The following DTNB variants were observed in gnomAD, a reference collection of about 807,000 sequenced individuals.
The protein encoded by DTNB is DTN-B.
A neutral mutation model predicts 90.7 loss-of-function variants in DTNB; 63 were observed. That is an observed-to-expected ratio of 0.69 (90% CI 0.57 to 0.86). The LOEUF is 0.86. DTNB is among the 40% of genes least tolerant of loss of function. DTNB has a pLI of 0.00. For synonymous variants in DTNB, 277 were observed against 286.7 expected, an observed-to-expected ratio of 0.97 and a Z score of 0.34; for missense variants, 744 against 807.1, an observed-to-expected ratio of 0.92 and a Z score of 0.95.
At chr2:25,610,570 C>T (rs2068340857) in intron 4 of DTNB, among the ~76,000 whole-genome samples, 1 of 152,158 alleles carries the variant, frequency 6.6e-6, no homozygotes, top group African/African-American at 2.4e-5. Flanking sequence ...AATGTTCCCT[C>T]ATGAACATTT....
chr2:25,379,687 C>T (rs1459184323), intron 19 of DTNB: 1 of 243,536 alleles, frequency 4.1e-6, no homozygotes, highest in African/African-American at 2.2e-5. Context: ...GGTCCCCCTC[C>T]TGCAGATGGT....
At chr2:25,643,404 C>A (rs550836260) in intron 2 of DTNB, among the ~76,000 whole-genome samples, 13 of 152,306 alleles carry the variant, frequency 8.5e-5, no homozygotes, top group Admixed American at 5.2e-4. Context: ...TGTTTCTGTT[C>A]ACTGTTCAAT....
At chr2:25,433,367 C>G (rs1200090088) in intron 13 of DTNB, among the ~76,000 whole-genome samples, 1 of 152,174 alleles carries the variant, frequency 6.6e-6, no homozygotes, top group Non-Finnish European at 1.5e-5. Flanking sequence ...TAATCCTTCC[C>G]TGCCCCTTCC....
chr2:25,442,187 T>C (rs2057562341), intron 12 of DTNB, among the ~76,000 whole-genome samples: 1 of 152,236 alleles, frequency 6.6e-6, no homozygotes, highest in Non-Finnish European at 1.5e-5. Context: ...GTACTGGTCC[T>C]TTGCCAAGAG....
At chr2:25,667,579 C>T (rs1284315066) in intron 1 of DTNB, among the ~76,000 whole-genome samples, 1 of 152,074 alleles carries the variant, frequency 6.6e-6, no homozygotes, top group Non-Finnish European at 1.5e-5. Flanking sequence ...AAATATTATT[C>T]CAGGTGAAGT....
intron 4 of DTNB, among the ~76,000 whole-genome samples, chr2:25,618,504 T>C (rs2071459973): frequency 6.6e-6 from 1 of 152,238 alleles, no homozygotes; most frequent in Non-Finnish European, 1.5e-5. Flanking sequence ...GAATCAATTC[T>C]CTTCAAACAA....
chr2:25,433,507 C>T (rs944246503), intron 13 of DTNB, among the ~76,000 whole-genome samples: 3 of 151,866 alleles, frequency 2.0e-5, no homozygotes, highest in African/African-American at 7.3e-5. Context: ...CTCTCTGTGC[C>T]GTTAAATGGC....
chr2:25,434,019 A>AG (rs761212724), intron 12 of DTNB, 24 bp from the exon 13 acceptor site: 2 of 1,578,700 alleles, frequency 1.3e-6, no homozygotes, highest in African/African-American at 3.2e-5. Flanking sequence ...GTCGGGAGAA[A>AG]GTTTTTTTTT....
rs1432980888 is a variant in DTNB, at chr2:25,384,974, G to A, written c.1826-1085C>T. Among the ~76,000 whole-genome samples, 8 of 152,078 alleles carry A rather than the reference G, an allele frequency of 5.3e-5. No individual in the cohort carries two copies. In the South Asian group the frequency reaches 1.7e-3, roughly 32 times the overall value. ...GCTCACTGCAATCTCTGCATCCCAG[G>A]TTCAAGCGATTCTCCTGCCTCAGCC... is the stretch of plus-strand genomic sequence containing the variant. On this transcript the variant is annotated intron_variant, in intron 18 of 20. Transcript: ENST00000406818.
chr2:25,486,418 A>G (rs1040937442), intron 9 of DTNB, among the ~76,000 whole-genome samples: 14 of 152,300 alleles, frequency 9.2e-5, no homozygotes, highest in South Asian at 2.1e-4. Flanking sequence ...TGAAACTGAC[A>G]TTGTGCCACT....
At chr2:25,442,590 C>A (rs1270173330) in intron 12 of DTNB, among the ~76,000 whole-genome samples, 1 of 152,186 alleles carries the variant, frequency 6.6e-6, no homozygotes, top group African/African-American at 2.4e-5. Flanking sequence ...AACTCCTGCA[C>A]ATTTTTGTTG....
intron 1 of DTNB, among the ~76,000 whole-genome samples, chr2:25,667,993 A>G (rs1383997028): frequency 6.6e-6 from 1 of 152,220 alleles, no homozygotes; most frequent in Non-Finnish European, 1.5e-5. Flanking sequence ...TAATCCCAGC[A>G]CTTTGGGAGG....
At chr2:25,610,745 T>C (rs2148548503) in intron 4 of DTNB, among the ~76,000 whole-genome samples, 1 of 151,892 alleles carries the variant, frequency 6.6e-6, no homozygotes, top group East Asian at 1.9e-4. Flanking sequence ...AATCTCTCTC[T>C]GTTGCCCAGG....
chr2:25,453,785 A>G (rs756834996), intron 11 of DTNB, among the ~76,000 whole-genome samples: 1 of 152,216 alleles, frequency 6.6e-6, no homozygotes, highest in Non-Finnish European at 1.5e-5. Context: ...GATGCAGTGC[A>G]CACAATTATC....
intron 12 of DTNB, among the ~76,000 whole-genome samples, chr2:25,445,483 A>G (rs2058262576): frequency 6.6e-6 from 1 of 152,246 alleles, no homozygotes; most frequent in Admixed American, 6.5e-5. Flanking sequence ...ACAAAGCAAG[A>G]ATTCCCATTT....
At chr2:25,591,164 G>T (rs879733294) in intron 6 of DTNB, among the ~76,000 whole-genome samples, 3 of 152,230 alleles carry the variant, frequency 2.0e-5, no homozygotes, top group Non-Finnish European at 4.4e-5. Context: ...GAGATGCCAG[G>T]CAGCGGGAGC....
At chr2:25,649,190 A>G (rs1233594199) in intron 2 of DTNB, among the ~76,000 whole-genome samples, 3 of 151,876 alleles carry the variant, frequency 2.0e-5, no homozygotes, top group Non-Finnish European at 2.9e-5. Flanking sequence ...TATTTTTAGT[A>G]GAGACGGGGT....
intron 10 of DTNB, among the ~76,000 whole-genome samples, chr2:25,479,325 T>C (rs773942920): frequency 2.6e-5 from 4 of 152,140 alleles, no homozygotes; most frequent in Non-Finnish European, 5.9e-5. Flanking sequence ...AAGAACACAA[T>C]TCACATTCTG....
intron 2 of DTNB, among the ~76,000 whole-genome samples, chr2:25,643,534 A>G (rs1476337254): frequency 2.0e-5 from 3 of 152,236 alleles, no homozygotes; most frequent in African/African-American, 7.2e-5. Context: ...CTAAAAACAT[A>G]CAAAATCAAA....
Sources: gnomAD v4.1 joint callset for allele counts (sites outside exome capture counted in the v4.1 genomes callset) on GRCh38, gnomAD v4.1.1 for gene constraint, MANE v1.5 for transcripts, NCBI Gene and HGNC (gene_info 2026-07-23, HGNC 2026-07-21) for gene names.